The following FARP1 variants were observed in gnomAD, a reference collection of about 807,000 sequenced individuals.
The protein encoded by FARP1 is FERM, ARH/RhoGEF and pleckstrin domain protein 1.
A neutral mutation model predicts 128.8 loss-of-function variants in FARP1; 52 were observed. The observed-to-expected ratio is 0.40, with a 90% confidence interval of 0.32 to 0.51. The LOEUF is 0.51. Ranked by LOEUF, FARP1 falls within the 20% of genes least tolerant of loss-of-function variation. The pLI, the probability that FARP1 is intolerant of heterozygous loss-of-function variation, is 0.45. For missense variants in FARP1, 1,333 were observed against 1,367.9 expected, an observed-to-expected ratio of 0.97 and a Z score of 0.40; for synonymous variants, 580 against 551.8, an observed-to-expected ratio of 1.05 and a Z score of -0.72.
At chr13:98,409,234 G>A in intron 13 of FARP1, 104 bp from the exon 14 acceptor site, 1 of 872,698 alleles carries the variant, frequency 1.1e-6, no homozygotes, top group Non-Finnish European at 1.7e-6. Flanking sequence ...CCATGGCGGG[G>A]TAGTCAAATC....
At chr13:98,393,947 ATC>A (rs1284026911) in intron 12 of FARP1, among the ~76,000 whole-genome samples, 4 of 152,148 alleles carry the variant, frequency 2.6e-5, no homozygotes, top group Non-Finnish European at 5.9e-5. Flanking sequence ...CTGCCTTCTC[ATC>A]TCCCATGCGG....
rs960293487 is a variant in FARP1 at position 98,411,992 on chromosome 13, A to T, written c.1784A>T (p.His595Leu). The part of the protein sequence containing the change: ...FPNFEPLHKF[H>L]TNFLKEIEQR... The stretch of plus-strand genomic sequence containing the variant: ...AATTTTGAACCTTTGCACAAATTTC[A>T]TACTAATTTTCTCAAGGAAATTGAG... Residue 595 changes from histidine to leucine, a missense_variant, in exon 16 of 27, where the codon CAT becomes CTT. Transcript: ENST00000319562. 2.5e-6 allele frequency: 4 copies of T among 1,614,020 alleles called. No individual in the cohort carries two copies. In the Admixed American group the frequency reaches 6.7e-5, roughly 27 times the overall value.
chr13:98,225,966 C>A (rs1881737285), intron 2 of FARP1, among the ~76,000 whole-genome samples: 2 of 151,812 alleles, frequency 1.3e-5, no homozygotes, highest in South Asian at 4.2e-4. Flanking sequence ...CCTGCTGGCA[C>A]CGTCTCTGCC....
At chr13:98,270,217 C>A (rs1884325692) in intron 2 of FARP1, among the ~76,000 whole-genome samples, 1 of 152,146 alleles carries the variant, frequency 6.6e-6, no homozygotes. Context: ...GCACATTTGA[C>A]CATAGAAGAA....
Position 98,390,127 on chromosome 13 carries a change from T to TCGC in FARP1, c.1019+9_1019+11dup. 1.2e-6 allele frequency: 2 copies of TCGC among 1,611,756 alleles called. No individual in the cohort carries two copies. The highest frequency in any genetic ancestry group is 1.7e-6 in the Non-Finnish European group (2 of 1,179,034). On this transcript the variant is annotated splice_region_variant and intron_variant, in intron 10 of 26. Coordinates refer to ENST00000319562, the MANE Select transcript of FARP1 (RefSeq NM_005766.4). Reference sequence around the variant, plus strand: ...GGTCATCATTTCGGTTCAGGTGAGGTCGCCACTTTGTGCCTCTGTTTGCTG... The same window carrying TCGC: ...GGTCATCATTTCGGTTCAGGTGAGGTCGCCGCCACTTTGTGCCTCTGTTTGCTG...
intron 2 of FARP1, among the ~76,000 whole-genome samples, chr13:98,325,851 ACAAC>A (rs1158897185): frequency 6.6e-6 from 1 of 152,246 alleles, no homozygotes; most frequent in African/African-American, 2.4e-5. Flanking sequence ...AAAACCTGAA[ACAAC>A]CAGGGCCTGA....
At chr13:98,167,023 G>A (rs1304656418) in intron 1 of FARP1, among the ~76,000 whole-genome samples, 3 of 152,032 alleles carry the variant, frequency 2.0e-5, no homozygotes, top group Non-Finnish European at 4.4e-5. Flanking sequence ...CACCACACCC[G>A]GTCCAGTTTT....
intron 2 of FARP1, among the ~76,000 whole-genome samples, chr13:98,298,502 T>G (rs2139690231): frequency 6.6e-6 from 1 of 152,240 alleles, no homozygotes; most frequent in East Asian, 1.9e-4. Context: ...ATGAAAGAGT[T>G]GGTTGGGATG....
intron 2 of FARP1, among the ~76,000 whole-genome samples, chr13:98,235,949 G>A (rs1489534530): frequency 6.6e-6 from 1 of 151,450 alleles, no homozygotes; most frequent in Admixed American, 6.6e-5. Flanking sequence ...TCAGCCTCCA[G>A]AGTAGCTGGG....
At chr13:98,437,901 C>T (rs777061162) in intron 19 of FARP1, 4 of 1,264,488 alleles carry the variant, frequency 3.2e-6, no homozygotes, top group Non-Finnish European at 4.3e-6. Context: ...CTCAGATGAT[C>T]CCCTGATTCT....
chr13:98,240,810 T>G (rs896412241), intron 2 of FARP1, among the ~76,000 whole-genome samples: 1 of 152,304 alleles, frequency 6.6e-6, no homozygotes, highest in East Asian at 1.9e-4. Context: ...CATCTTAGGA[T>G]GGGAAGGCCT....
chr13:98,307,225 G>A (rs538630034), intron 2 of FARP1, among the ~76,000 whole-genome samples: 4 of 152,310 alleles, frequency 2.6e-5, no homozygotes, highest in African/African-American at 4.8e-5. Flanking sequence ...GATTGAATGC[G>A]TTTTTCTCAG....
intron 2 of FARP1, among the ~76,000 whole-genome samples, chr13:98,250,990 G>T (rs1883295499): frequency 6.6e-6 from 1 of 152,114 alleles, no homozygotes; most frequent in African/African-American, 2.4e-5. Context: ...ATCTGTCCTA[G>T]GCTCGAGCAC....
chr13:98,448,635 C>T lies in FARP1; in HGVS notation c.*318C>T, dbSNP rs757852965. 5.6e-5 allele frequency: 16 copies of T among 287,006 alleles called. No individual in the cohort carries two copies. Among genetic ancestry groups the T allele is most frequent in the Admixed American group, 3.0e-4 (6 of 20,296 alleles). 17.8% of individuals were successfully genotyped at this position (287,006 alleles called of 1,614,324 possible). A position where few individuals can be genotyped will look rare whatever the true frequency, so the allele number is the denominator to read the frequency against. On this transcript the variant is annotated 3_prime_UTR_variant, in exon 27 of 27. Coordinates refer to ENST00000319562, the MANE Select transcript of FARP1 (RefSeq NM_005766.4). Reference sequence around the variant, plus strand: ...CCCTGAAAAACAGTACACACACATCCGTTCAACACAAGACAGGGCAAGTGT... The same window carrying T: ...CCCTGAAAAACAGTACACACACATCTGTTCAACACAAGACAGGGCAAGTGT...
intron 2 of FARP1, among the ~76,000 whole-genome samples, chr13:98,216,639 T>G (rs967588847): frequency 1.3e-5 from 2 of 152,172 alleles, no homozygotes; most frequent in African/African-American, 2.4e-5. Flanking sequence ...CCCTAAACAC[T>G]TCCTGGAACA....
intron 2 of FARP1, among the ~76,000 whole-genome samples, chr13:98,277,107 A>AACACACACACACACACACACACACAC (rs1566824104): frequency 6.6e-5 from 1 of 15,254 alleles, no homozygotes; most frequent in African/African-American, 2.1e-4. Context: ...GCTCTAGAAA[A>AACACACACACACACACACACACACAC]ATACACACAC....
intron 4 of FARP1, among the ~76,000 whole-genome samples, chr13:98,366,791 A>G (rs1458766142): frequency 6.6e-6 from 1 of 152,190 alleles, no homozygotes; most frequent in Non-Finnish European, 1.5e-5. Context: ...TTTGTGCTCC[A>G]GAATTGACAT....
chr13:98,237,116 C>G (rs556754683), intron 2 of FARP1, among the ~76,000 whole-genome samples: 1 of 152,006 alleles, frequency 6.6e-6, no homozygotes, highest in African/African-American at 2.4e-5. Context: ...ACCAGCCTGA[C>G]CAACATGGCG....
At chr13:98,434,431 A>G (rs1045915207) in intron 18 of FARP1, 1 of 152,224 alleles carries the variant, frequency 6.6e-6, no homozygotes, top group African/African-American at 2.4e-5. Context: ...GGGGGAAAAA[A>G]CAAGAAAACT....
Sources: allele counts gnomAD v4.1 joint callset (sites outside exome capture counted in the v4.1 genomes callset), GRCh38; gene constraint gnomAD v4.1.1; transcripts MANE v1.5; gene names NCBI Gene and HGNC (gene_info 2026-07-23, HGNC 2026-07-21).